Variants in NRK observed in about 807,000 individuals in gnomAD.
NRK encodes the protein nik-related protein kinase.
NRK carries 67 observed loss-of-function variants against 125.2 expected under a neutral mutation model. The ratio of observed to expected loss-of-function variants is 0.54; its 90% CI spans 0.44 to 0.66. The LOEUF is 0.66. Among genes scored for constraint, NRK ranks in the 30% least tolerant of loss-of-function variants. The pLI is 0.00. For missense variants in NRK, 1,224 were observed against 1,192.9 expected (o/e 1.03, Z -0.38); for synonymous variants, 458 against 429.0 (o/e 1.07, Z -0.84).
chrX:105,901,103 T>G (rs2040151304), intron 9 of NRK, among the ~76,000 whole-genome samples: 2 of 110,603 alleles, frequency 1.8e-5, no homozygotes, highest in African/African-American at 6.6e-5. Context: ...GTTGAGAAAA[T>G]TCTCCAGCAT....
intron 5 of NRK, among the ~76,000 whole-genome samples, chrX:105,890,178 T>C (rs2147720921): frequency 8.9e-6 from 1 of 111,760 alleles, no homozygotes; most frequent in South Asian, 3.8e-4. Flanking sequence ...ATTCCGCCAG[T>C]CTCTTTGCTT....
At position 105,924,753 on chromosome X, in the gene NRK, A is replaced by G; in HGVS notation, c.3034A>G (p.Lys1012Glu). The G allele has an allele frequency of 8.3e-7, 1 of 1,205,255 alleles. No individual in the cohort carries two copies. The highest frequency in any genetic ancestry group is 2.3e-4 in the Middle Eastern group (1 of 4,342). ...KQDGYDGSRG[K>E]EEAYRGYGSH... ...AGATGGTTATGATGGAAGTCGTGGAAAAGAGGAAGCCTACAGAGGCTATGG... is the reference window on the plus strand; with the variant it reads ...AGATGGTTATGATGGAAGTCGTGGAGAAGAGGAAGCCTACAGAGGCTATGG... The change falls in exon 19 of 29, where the codon AAA (lysine) becomes GAA (glutamate). Residue 1012 changes from lysine to glutamate, a missense_variant. Lys to Glu is a moderately conservative substitution (Grantham distance 56). Transcript: ENST00000243300.
chrX:105,921,250 A>G (rs1217968029), intron 16 of NRK, among the ~76,000 whole-genome samples: 2 of 104,191 alleles, frequency 1.9e-5, no homozygotes, highest in African/African-American at 3.5e-5. Context: ...CAAACACCGC[A>G]TATTCTCACT....
At chrX:105,834,702 C>CTG (rs1227675116) in intron 2 of NRK, among the ~76,000 whole-genome samples, 1 of 110,354 alleles carries the variant, frequency 9.1e-6, no homozygotes. Flanking sequence ...TGGAGTGTGT[C>CTG]TGTGTGTGTT....
intron 1 of NRK, among the ~76,000 whole-genome samples, chrX:105,826,127 ATG>A (rs1275276629): frequency 1.1e-5 from 1 of 94,181 alleles, no homozygotes; most frequent in African/African-American, 3.9e-5. Flanking sequence ...ATATATATAT[ATG>A]GTAAGATATA....
At chrX:105,826,761 A>G (rs763771091) in intron 1 of NRK, among the ~76,000 whole-genome samples, 2 of 110,842 alleles carry the variant, frequency 1.8e-5, no homozygotes, top group South Asian at 7.6e-4. Context: ...CACTTTACCA[A>G]GTTCCTTAGC....
At chrX:105,883,688 G>A (rs947009513) in intron 4 of NRK, among the ~76,000 whole-genome samples, 16 of 112,191 alleles carry the variant, frequency 1.4e-4, no homozygotes, top group Non-Finnish European at 1.9e-4. Flanking sequence ...TTAACATCAA[G>A]CTACCAAACT....
intron 2 of NRK, among the ~76,000 whole-genome samples, chrX:105,866,441 T>C (rs2039672651): frequency 8.9e-6 from 1 of 112,133 alleles, no homozygotes; most frequent in Non-Finnish European, 1.9e-5. Context: ...ATGTTTCTTA[T>C]GTGCTGTATT....
intron 9 of NRK, among the ~76,000 whole-genome samples, chrX:105,902,312 C>T (rs1280136100): frequency 1.8e-5 from 2 of 111,198 alleles, no homozygotes; most frequent in Non-Finnish European, 3.8e-5. Flanking sequence ...TGGAGTAATA[C>T]AACTTTGGTC....
chrX:105,865,021 G>C (rs760125757), intron 2 of NRK, among the ~76,000 whole-genome samples: 12 of 111,235 alleles, frequency 1.1e-4, no homozygotes, highest in African/African-American at 3.6e-4. Context: ...CCCCCTTCAG[G>C]CTCCTGTTGG....
chrX:105,879,076 C>A (rs756850500), intron 2 of NRK, among the ~76,000 whole-genome samples: 1 of 110,879 alleles, frequency 9.0e-6, no homozygotes, highest in East Asian at 2.9e-4. Flanking sequence ...GTAGTTGTAT[C>A]ACTGCAATTT....
chrX:105,872,163 A>G (rs896883310), intron 2 of NRK, among the ~76,000 whole-genome samples: 7 of 111,348 alleles, frequency 6.3e-5, no homozygotes, highest in African/African-American at 2.3e-4. Flanking sequence ...CTTTGTAATG[A>G]TGGGATGCTT....
At chrX:105,924,557 G>A in intron 18 of NRK, 138 bp from the exon 19 acceptor site, 1 of 494,474 alleles carries the variant, frequency 2.0e-6, no homozygotes, top group Non-Finnish European at 3.4e-6. Flanking sequence ...TATCATACCA[G>A]TAGTGTTCAC....
At chrX:105,945,795 T>C (rs1193792202) in intron 24 of NRK, 77 bp from the exon 25 acceptor site, 1 of 933,785 alleles carries the variant, frequency 1.1e-6, no homozygotes, top group Non-Finnish European at 1.5e-6. Flanking sequence ...TGTTTTGGAC[T>C]AGAAACCATA....
At chrX:105,871,434 A>G (rs1251796600) in intron 2 of NRK, among the ~76,000 whole-genome samples, 1 of 109,985 alleles carries the variant, frequency 9.1e-6, no homozygotes, top group Admixed American at 9.7e-5. Context: ...GGCTCCCTCT[A>G]ACTCTTCTCC....
At chrX:105,864,218 G>A (rs996773052) in intron 2 of NRK, among the ~76,000 whole-genome samples, 1 of 111,088 alleles carries the variant, frequency 9.0e-6, no homozygotes, top group African/African-American at 3.3e-5. Context: ...AAATCTAAAT[G>A]AGATACCAAC....
rs750746734 is a variant in NRK at position 105,840,202 on chromosome X, G to A, written c.123+9083G>A. ...TCTTTTGCTTCCCAATAAATCTTGAGGGAGGATGAAGCAGTTGGTAGCTGA... is the reference window on the plus strand; with the variant it reads ...TCTTTTGCTTCCCAATAAATCTTGAAGGAGGATGAAGCAGTTGGTAGCTGA... On this transcript the variant is annotated intron_variant, in intron 2 of 28. Transcript: ENST00000243300. Among the ~76,000 whole-genome samples the A allele has an allele frequency of 2.0e-3, 228 of 111,651 alleles. 1 individual carries two copies. The Middle Eastern group carries it at 0.027, about 13-fold the overall frequency.
Position 105,921,953 on chromosome X carries a change from G to T in NRK, c.2513-11G>T. ...CACCATTGTTACTAATGTGTTTTTG[G>T]CATTCCATAGAATCTTCTTCTGAGG... On this transcript the variant is annotated splice_polypyrimidine_tract_variant and intron_variant, in intron 16 of 28. Coordinates refer to ENST00000243300, the MANE Select transcript of NRK (RefSeq NM_198465.4). The T allele has an allele frequency of 1.0e-6, 1 of 979,388 alleles. No homozygotes were observed. Among genetic ancestry groups the T allele is most frequent in the Non-Finnish European group, 1.4e-6 (1 of 690,718 alleles). The allele number at this position is 979,388 out of a possible 1,213,427, so 80.7% of individuals were successfully genotyped here.
At chrX:105,926,606 T>G (rs2040526867) in intron 19 of NRK, among the ~76,000 whole-genome samples, 1 of 111,499 alleles carries the variant, frequency 9.0e-6, no homozygotes, top group Non-Finnish European at 1.9e-5. Flanking sequence ...TTATATTTTC[T>G]AGTAGTTTTA....
Sources: allele counts gnomAD v4.1 joint callset (sites outside exome capture counted in the v4.1 genomes callset), GRCh38; gene constraint gnomAD v4.1.1; transcripts MANE v1.5; gene names NCBI Gene and HGNC (gene_info 2026-07-23, HGNC 2026-07-21).